KIFC3: variants seen among roughly 807,000 people sequenced by gnomAD.
KIFC3 encodes kinesin-like protein KIFC3.
Under a neutral mutation model 101.8 loss-of-function variants are expected in KIFC3, and 60 were observed. The observed-to-expected ratio is 0.59, with a 90% CI of 0.48 to 0.73. KIFC3 has a LOEUF of 0.73. KIFC3 is among the 30% of genes least tolerant of loss of function. The pLI, the probability that KIFC3 is intolerant of heterozygous loss-of-function variation, is 0.00. For missense variants in KIFC3, 966 were observed against 1,137.1 expected, an observed-to-expected ratio of 0.85 and a Z score of 2.16; for synonymous variants, 476 against 482.7, an observed-to-expected ratio of 0.99 and a Z score of 0.18.
At chr16:57,760,544 A>C in intron 16 of KIFC3, 128 bp from the exon 17 acceptor site, 3 of 1,198,992 alleles carry the variant, frequency 2.5e-6, no homozygotes, top group Non-Finnish European at 3.6e-6. Context: ...GTGGGAGGGC[A>C]GGCAACATGG....
intron 3 of KIFC3, among the ~76,000 whole-genome samples, chr16:57,778,327 C>G (rs1157392227): frequency 6.6e-6 from 1 of 152,124 alleles, no homozygotes; most frequent in Non-Finnish European, 1.5e-5. Context: ...AGAGCTAAAA[C>G]TATAAAACTC....
chr16:57,856,906 C>T (rs1408496317), intron 1 of KIFC3, among the ~76,000 whole-genome samples: 1 of 152,110 alleles, frequency 6.6e-6, no homozygotes, highest in East Asian at 1.9e-4. Context: ...AAAATCCTTC[C>T]AGAAAAGAAA....
At position 57,795,093 on chromosome 16, in the gene KIFC3, C is replaced by A; in HGVS notation, c.221G>T (p.Arg74Leu). ...AGCTAGGGCTGGGCGAGCTGCACTT[C>A]GGGCACTGGAGTCCTCGTCACCGCA... ...PVCGDEDSSARSAARPALAQC... is the reference protein window; with the variant it reads ...PVCGDEDSSALSAARPALAQC... The change falls in exon 3 of 20, where the codon CGA (arginine) becomes CTA (leucine). Residue 74 changes from arginine (R) to leucine (L), a missense_variant. Arg to Leu is a moderately radical substitution (Grantham distance 102). Around this residue, in one of 2 missense-constraint regions of KIFC3, gnomAD observed 277 missense variants for 252.5 expected, o/e 1.10. Coordinates refer to ENST00000445690, the MANE Select transcript of KIFC3 (RefSeq NM_001130100.2). The A allele has an allele frequency of 1.2e-6, 2 of 1,603,180 alleles. No individual in the cohort carries two copies. The highest frequency in any genetic ancestry group is 1.7e-6 in the Non-Finnish European group (2 of 1,178,174).
intron 1 of KIFC3, among the ~76,000 whole-genome samples, chr16:57,858,842 C>A (rs2056234874): frequency 6.6e-6 from 1 of 152,190 alleles, no homozygotes; most frequent in South Asian, 2.1e-4. Context: ...CTCAGCTACT[C>A]CGGAGGCTGA....
Position 57,762,128 on chromosome 16 carries a change from T to C in KIFC3, c.1748+12A>G. On this transcript the variant is annotated intron_variant, in intron 13 of 19. Coordinates refer to ENST00000445690, the MANE Select transcript of KIFC3 (RefSeq NM_001130100.2). ...CCCCTGAGGCCTGCTCCGCACACCCTGGGGCTCCCACCTGAGGACCTCATT... is the reference window on the plus strand; with the variant it reads ...CCCCTGAGGCCTGCTCCGCACACCCCGGGGCTCCCACCTGAGGACCTCATT... 1 of 1,587,042 alleles carries C rather than the reference T, an allele frequency of 6.3e-7. No homozygotes were observed. The highest frequency in any genetic ancestry group is 8.6e-7 in the Non-Finnish European group (1 of 1,164,740).
At chr16:57,774,930 C>T in intron 3 of KIFC3, 2 of 1,481,576 alleles carry the variant, frequency 1.3e-6, no homozygotes, top group Non-Finnish European at 1.8e-6. Context: ...TCCACGCCCC[C>T]TCCCTCCCCA....
chr16:57,801,177 G>A (rs2054701757), intron 1 of KIFC3, among the ~76,000 whole-genome samples: 1 of 152,186 alleles, frequency 6.6e-6, no homozygotes, highest in Non-Finnish European at 1.5e-5. Context: ...TCTGGGTTTA[G>A]ACCAGGACAG....
At position 57,769,569 on chromosome 16, in the gene KIFC3, C is replaced by A; in HGVS notation, c.1218+26G>T. The stretch of plus-strand genomic sequence containing the variant: ...TCCCAGTGCACCCCCTTAGCCTGGA[C>A]CCTCCCACCCACTGCCCTCGCTCAC... On this transcript the variant is annotated intron_variant, in intron 9 of 19. Coordinates refer to ENST00000445690, the MANE Select transcript of KIFC3 (RefSeq NM_001130100.2). This position sits in a 1 kb window ranked among gnomAD's most constrained non-coding sequence, Gnocchi z 4.3. 6.3e-7 allele frequency: 1 copy of A among 1,598,004 alleles called. No individual in the cohort carries two copies. The highest frequency in any genetic ancestry group is 8.5e-7 in the Non-Finnish European group (1 of 1,173,714).
upstream of KIFC3, chr16:57,802,832 C>T: frequency 1.1e-6 from 1 of 884,364 alleles, no homozygotes; most frequent in Non-Finnish European, 1.8e-6. This position sits in a 1 kb window ranked among gnomAD's most constrained non-coding sequence, Gnocchi z 5.0. Flanking sequence ...GTGAGCCATG[C>T]GTACTTTTGC....
rs199588433 is a variant in KIFC3 at position 57,772,327 on chromosome 16, C to T, written c.316-39G>A. The T allele has an allele frequency of 4.6e-5, 72 of 1,580,900 alleles. No individual in the cohort carries two copies. The African/African-American group carries it at 8.2e-4, about 18-fold the overall frequency. Reference sequence around the variant, plus strand: ...GTCAGGAGCAAGGTGAGCCTCAGTCCTCAGCTCCAGCCTACACCCAGGCCT... The same window carrying T: ...GTCAGGAGCAAGGTGAGCCTCAGTCTTCAGCTCCAGCCTACACCCAGGCCT... On this transcript the variant is annotated intron_variant, in intron 3 of 19. Transcript: ENST00000445690.
At chr16:57,810,745 T>C (rs2055051542) in intron 1 of KIFC3, 1 of 937,728 alleles carries the variant, frequency 1.1e-6, no homozygotes, top group East Asian at 1.2e-4. Flanking sequence ...ACACACAGGA[T>C]TGCCTTTGCT....
chr16:57,778,289 A>G (rs1555612804), intron 3 of KIFC3, among the ~76,000 whole-genome samples: 2 of 152,230 alleles, frequency 1.3e-5, no homozygotes, highest in Non-Finnish European at 2.9e-5. Context: ...CAAAACAAAA[A>G]ACAAAAAACC....
intron 17 of KIFC3, 147 bp downstream of exon 17, chr16:57,760,135 G>T: frequency 1.1e-6 from 1 of 946,392 alleles, no homozygotes; most frequent in Non-Finnish European, 1.6e-6. Flanking sequence ...GCTGCTGGCT[G>T]TGGGTTCCAG....
chr16:57,811,404 G>C (rs2055070790), intron 1 of KIFC3, among the ~76,000 whole-genome samples: 1 of 147,290 alleles, frequency 6.8e-6, no homozygotes, highest in South Asian at 2.2e-4. Flanking sequence ...GAAGGAAGGA[G>C]GGAGGACAGG....
At chr16:57,782,630 G>A (rs75058423) in intron 3 of KIFC3, among the ~76,000 whole-genome samples, 19,363 of 152,178 alleles carry the variant, frequency 0.13, 1,391 homozygotes, top group African/African-American at 0.19. Context: ...GAAATTTCCA[G>A]AAAAGAGCTG....
chr16:57,761,910 C>T (rs2049904180), intron 13 of KIFC3, among the ~76,000 whole-genome samples: 1 of 152,038 alleles, frequency 6.6e-6, no homozygotes, highest in Admixed American at 6.6e-5. Context: ...CTCATCTGGT[C>T]CCTACACTCC....
intron 1 of KIFC3, among the ~76,000 whole-genome samples, chr16:57,857,539 C>G (rs375179188): frequency 1.3e-5 from 2 of 151,920 alleles, no homozygotes; most frequent in Admixed American, 1.3e-4. Context: ...AATGCTATCC[C>G]TCCTCTAGCC....
intron 18 of KIFC3, chr16:57,759,453 G>T (rs2049547431): frequency 3.4e-6 from 2 of 581,386 alleles, no homozygotes; most frequent in Non-Finnish European, 3.1e-6. Flanking sequence ...CAGAGAGCAG[G>T]GTCCCAGGGT....
intron 1 of KIFC3, among the ~76,000 whole-genome samples, chr16:57,862,240 T>C (rs555994184): frequency 1.3e-5 from 2 of 149,642 alleles, no homozygotes; most frequent in South Asian, 2.1e-4. Flanking sequence ...CCCAGGCTGG[T>C]CTCAAACTCT....
Sources: allele counts gnomAD v4.1 joint callset (sites outside exome capture counted in the v4.1 genomes callset), GRCh38; gene constraint gnomAD v4.1.1; regional missense constraint gnomAD v4.1.1; non-coding constraint Gnocchi (gnomAD v3.1); transcripts MANE v1.5; gene names NCBI Gene and HGNC (gene_info 2026-07-23, HGNC 2026-07-21).